Variants in TLR1 observed in about 807,000 individuals in gnomAD.
TLR1 encodes the protein toll like receptor 1, also known as toll-like receptor 1.
A neutral mutation model predicts 20.2 loss-of-function variants in TLR1; 19 were observed. The observed-to-expected ratio is 0.94, with a 90% CI of 0.66 to 1.38. The LOEUF is 1.38. TLR1 is among the 40% of genes most tolerant of loss of function. The pLI is 0.00. For missense variants in TLR1, 921 were observed against 910.0 expected (o/e 1.01, Z -0.16); for synonymous variants, 320 against 334.5 (o/e 0.96, Z 0.47).
Position 38,799,527 on chromosome 4 carries a change from C to T in TLR1, c.-67-629G>A, listed in dbSNP as rs139380891. 3.8e-3 allele frequency among the ~76,000 whole-genome samples: 576 copies of T among 152,286 alleles called. 1 individual carries two copies. Among genetic ancestry groups the T allele is most frequent in the African/African-American group, 0.013 (543 of 41,552 alleles). ...CAGAACGTTGAGGGCAAAGCCACCA[C>T]GTTTATGATCATCTGTTACAGCAGC... is the stretch of plus-strand genomic sequence containing the variant. On this transcript the variant is annotated intron_variant, in intron 3 of 3. Transcript: ENST00000308979.
At chr4:38,787,998 G>C (rs1441561942), downstream of TLR1, among the ~76,000 whole-genome samples, 1 of 152,174 alleles carries the variant, frequency 6.6e-6, no homozygotes, top group Non-Finnish European at 1.5e-5. Flanking sequence ...TGGTCCTGTT[G>C]TAAGAGCCAT....
At position 38,798,000 on chromosome 4, in the gene TLR1, T is replaced by C. The variant is rs758913831; in HGVS notation, c.832A>G (p.Ile278Val). Residue 278 changes from isoleucine (I) to valine (V), a missense_variant, in exon 4 of 4, where the codon ATT becomes GTT. Transcript: ENST00000308979. ...VWHTTVWYFS[I>V]SNVKLQGQLD... Reference sequence around the variant, plus strand: ...TGACCCTGTAGCTTCACGTTTGAAATTGAGAAATACCATACAGTTGTATGC... The same window carrying C: ...TGACCCTGTAGCTTCACGTTTGAAACTGAGAAATACCATACAGTTGTATGC... 1 of 1,614,146 alleles carries C rather than the reference T, an allele frequency of 6.2e-7. No individual in the cohort carries two copies. Among genetic ancestry groups the C allele is most frequent in the Non-Finnish European group, 8.5e-7 (1 of 1,180,026 alleles).
In TLR1 at chr4:38,797,213, T is replaced by C; in HGVS notation, c.1619A>G (p.Asp540Gly). ...CELGEFVKNI[D>G]QVSSEVLEGW... ...CTCTAACACTTCACTTGATACTTGG[T>C]CTATATTTTTGACAAATTCTCCTAG... The change falls in exon 4 of 4, where the codon GAC (aspartate) becomes GGC (glycine). Residue 540 changes from aspartate to glycine, a missense_variant. Asp to Gly is a moderately conservative substitution (Grantham distance 94). Transcript: ENST00000308979. 1 of 1,614,244 alleles carries C rather than the reference T, an allele frequency of 6.2e-7. No homozygotes were observed. Among genetic ancestry groups the C allele is most frequent in the Non-Finnish European group, 8.5e-7 (1 of 1,180,040 alleles).
At chr4:38,802,946 G>A (rs1726772425) in intron 2 of TLR1, among the ~76,000 whole-genome samples, 1 of 152,162 alleles carries the variant, frequency 6.6e-6, no homozygotes, top group Non-Finnish European at 1.5e-5. Context: ...TTGGCAGCCA[G>A]AGAAAGAGAG....
Position 38,798,663 on chromosome 4 carries a change from T to C in TLR1, c.169A>G (p.Ile57Val), listed in dbSNP as rs1280898952. 2 of 1,613,890 alleles carry C rather than the reference T, an allele frequency of 1.2e-6. No individual in the cohort carries two copies. Among genetic ancestry groups the C allele is most frequent in the Non-Finnish European group, 1.7e-6 (2 of 1,179,938 alleles). Reference sequence around the variant, plus strand: ...ATGTCAGAAGTCCAAAGCTCAGATATATAATTTTGCGATATATTTAAGATT... The same window carrying C: ...ATGTCAGAAGTCCAAAGCTCAGATACATAATTTTGCGATATATTTAAGATT... ...TTILNISQNY[I>V]SELWTSDILS... The change falls in exon 4 of 4, where the codon ATA becomes GTA. Residue 57 changes from isoleucine (I) to valine (V), a missense_variant. Coordinates refer to ENST00000308979, the MANE Select transcript of TLR1 (RefSeq NM_003263.4).
rs750476859 is a variant in TLR1 at position 38,798,267 on chromosome 4, T to C, written c.565A>G (p.Thr189Ala). 5.6e-6 allele frequency: 9 copies of C among 1,612,298 alleles called. No homozygotes were observed. Among genetic ancestry groups the C allele is most frequent in the Non-Finnish European group, 7.6e-6 (9 of 1,178,792 alleles). ...GGGAACACAATGTGCAGACTCTCAG[T>C]GTTAAAGTCTTGAAGGCCCTCAGGG... ...EDPEGLQDFN[T>A]ESLHIVFPTN... Residue 189 changes from threonine to alanine, a missense_variant, in exon 4 of 4, where the codon ACT becomes GCT. Coordinates refer to ENST00000308979, the MANE Select transcript of TLR1 (RefSeq NM_003263.4).
chr4:38,791,373 T>A (rs1442299965), downstream of TLR1: 1 of 152,256 alleles, frequency 6.6e-6, no homozygotes, highest in East Asian at 1.9e-4. Flanking sequence ...TCTAACTGGA[T>A]CCTGTTTTGG....
chr4:38,788,919 T>C (rs116252902), downstream of TLR1, among the ~76,000 whole-genome samples: 1 of 152,128 alleles, frequency 6.6e-6, no homozygotes, highest in African/African-American at 2.4e-5. Context: ...GGCAAGAGGA[T>C]CTCTGGAGCT....
chr4:38,793,829 A>C (rs79779310), downstream of TLR1, among the ~76,000 whole-genome samples: 4,918 of 152,106 alleles, frequency 0.032, 295 homozygotes, highest in African/African-American at 0.11. Context: ...AGATGTACTT[A>C]GTTAAAATGA....
chr4:38,790,634 CTTATTA>C (rs1382333778), downstream of TLR1: 4 of 151,978 alleles, frequency 2.6e-5, no homozygotes, highest in Non-Finnish European at 5.9e-5. Context: ...ATTTCTCCGT[CTTATTA>C]TTATTATTTT....
rs1207202950 is a variant in TLR1, at chr4:38,797,484, G to A, written c.1348C>T (p.Leu450Phe). 1 of 1,614,218 alleles carries A rather than the reference G, an allele frequency of 6.2e-7. No homozygotes were observed. Among genetic ancestry groups the A allele is most frequent in the South Asian group, 1.1e-5 (1 of 91,090 alleles). The change falls in exon 4 of 4, where the codon CTT (leucine) becomes TTT (phenylalanine). Residue 450 changes from leucine to phenylalanine, a missense_variant. By Grantham distance (22) the Leu-to-Phe change is conservative. Transcript: ENST00000308979. The stretch of plus-strand genomic sequence containing the variant: ...TTTATTTTATTGCTGTGAAGATCAA[G>A]TACCTTGATCCTGGGAGGTAAACAT... ...FRCLPPRIKV[L>F]DLHSNKIKSI...
chr4:38,791,806 C>T (rs762825722), downstream of TLR1, among the ~76,000 whole-genome samples: 1 of 152,226 alleles, frequency 6.6e-6, no homozygotes, highest in Admixed American at 6.5e-5. Context: ...TATTAACTCA[C>T]TTAATCCTCG....
chr4:38,796,707 A>G lies in TLR1; in HGVS notation c.2125T>C (p.Tyr709His). 6.2e-7 allele frequency: 1 copy of G among 1,614,196 alleles called. No homozygotes were observed. The highest frequency in any genetic ancestry group is 8.5e-7 in the Non-Finnish European group (1 of 1,180,040). The change falls in exon 4 of 4, where the codon TAT (tyrosine) becomes CAT (histidine). Residue 709 changes from tyrosine (Y) to histidine (H), a missense_variant. Tyr to His is a moderately conservative substitution (Grantham distance 83). Coordinates refer to ENST00000308979, the MANE Select transcript of TLR1 (RefSeq NM_003263.4). Reference sequence around the variant, plus strand: ...TTGTGATGGGCAAAGTAGAGTTCATAATGGCACCATTCACTCTGGACAAAG... The same window carrying G: ...TTGTGATGGGCAAAGTAGAGTTCATGATGGCACCATTCACTCTGGACAAAG... ...PNFVQSEWCH[Y>H]ELYFAHHNLF...
intron 3 of TLR1, chr4:38,800,370 G>A (rs922996213): frequency 6.6e-6 from 1 of 152,196 alleles, no homozygotes; most frequent in Admixed American, 6.5e-5. Flanking sequence ...GGGAGGTTTT[G>A]AGAAAGGGAG....
At position 38,798,979 on chromosome 4, in the gene TLR1, C is replaced by CT. The variant is rs1030382592; in HGVS notation, c.-67-82dup. Reference sequence around the variant, plus strand: ...GAAATTAGTCATGGCTGACATTAAACTTTTTTTTGTTACAGACTTATAAAG... The same window carrying CT: ...GAAATTAGTCATGGCTGACATTAAACTTTTTTTTTGTTACAGACTTATAAAG... On this transcript the variant is annotated intron_variant, in intron 3 of 3. Transcript: ENST00000308979. The CT allele has an allele frequency of 6.0e-5, 42 of 704,438 alleles. No homozygotes were observed. In the Admixed American group the frequency reaches 6.0e-4, roughly 10 times the overall value. 43.6% of individuals were successfully genotyped at this position (704,438 alleles called of 1,614,324 possible).
Position 38,797,410 on chromosome 4 carries a change from A to G in TLR1, c.1422T>C (p.Asn474=). ...VVKLEALQEL[N]VAFNSLTDLP... ...GGTCAGTTAAAGAATTGAAAGCAAC[A>G]TTGAGTTCTTGCAAAGCTTCCAGTT... The change falls in exon 4 of 4, where the codon AAT becomes AAC. Residue 474 remains asparagine, a synonymous_variant. Transcript: ENST00000308979. The G allele has an allele frequency of 1.2e-6, 2 of 1,614,232 alleles. No individual in the cohort carries two copies. Among genetic ancestry groups the G allele is most frequent in the Non-Finnish European group, 1.7e-6 (2 of 1,180,034 alleles).
At position 38,797,073 on chromosome 4, in the gene TLR1, C is replaced by T. The variant is rs370009768; in HGVS notation, c.1759G>A (p.Val587Ile). ...ACAGCCAACACCAGCATGGTGGCAA[C>T]GATGGTGACGATCAGCAGAGTTATG... The part of the protein sequence containing the change: ...CNITLLIVTI[V>I]ATMLVLAVTV... The change falls in exon 4 of 4, where the codon GTT (valine) becomes ATT (isoleucine). Residue 587 changes from valine (V) to isoleucine (I), a missense_variant. Val to Ile is a conservative substitution (Grantham distance 29). Coordinates refer to ENST00000308979, the MANE Select transcript of TLR1 (RefSeq NM_003263.4). The T allele has an allele frequency of 3.9e-5, 63 of 1,614,176 alleles. No individual in the cohort carries two copies. In the East Asian group the frequency reaches 4.9e-4, roughly 13 times the overall value.
At chr4:38,802,184 T>C (rs1726710421) in intron 2 of TLR1, among the ~76,000 whole-genome samples, 1 of 152,144 alleles carries the variant, frequency 6.6e-6, no homozygotes, top group Non-Finnish European at 1.5e-5. Context: ...GCAACAGGGC[T>C]AGACTCTGTC....
In TLR1 at chr4:38,796,299, A is replaced by T. The variant is rs993599106; in HGVS notation, c.*172T>A. The stretch of plus-strand genomic sequence containing the variant: ...AAATCAAAGTTATATCATTTCATTA[A>T]TTTTTAATACCACATATAAATGGTG... On this transcript the variant is annotated 3_prime_UTR_variant, in exon 4 of 4. Transcript: ENST00000308979. 4 of 682,540 alleles carry T rather than the reference A, an allele frequency of 5.9e-6. No homozygotes were observed. Among genetic ancestry groups the T allele is most frequent in the Non-Finnish European group, 7.2e-6 (3 of 419,090 alleles). The allele number at this position is 682,540 out of a possible 1,614,324, so 42.3% of individuals were successfully genotyped here.
Sources: allele counts gnomAD v4.1 joint callset (sites outside exome capture counted in the v4.1 genomes callset), GRCh38; gene constraint gnomAD v4.1.1; transcripts MANE v1.5; gene names NCBI Gene and HGNC (gene_info 2026-07-23, HGNC 2026-07-21).